The following NALCN variants were observed in gnomAD, a reference collection of about 807,000 sequenced individuals.
NALCN encodes the protein sodium leak channel, non-selective, also known as sodium leak channel NALCN.
Under a neutral mutation model 225.3 loss-of-function variants are expected in NALCN, and 111 were observed. That is an observed-to-expected ratio of 0.49 (90% CI 0.42 to 0.58). NALCN has a LOEUF of 0.58. NALCN is among the 20% of genes least tolerant of loss of function. NALCN has a pLI of 0.00. For missense variants in NALCN, 1,378 were observed against 2,202.4 expected (o/e 0.63, Z 7.49); for synonymous variants, 764 against 769.0 (o/e 0.99, Z 0.11).
rs1224323113 is a variant in NALCN, at chr13:101,112,829, C to T, written c.2193-1603G>A. On this transcript the variant is annotated intron_variant, in intron 18 of 43. Coordinates refer to ENST00000251127, the MANE Select transcript of NALCN (RefSeq NM_052867.4). ...GAGAAAAAGATTTGTATGTGCTTAG[C>T]GCACTTAAAATAGCAGCTCTTATGA... is the stretch of plus-strand genomic sequence containing the variant. Among the ~76,000 whole-genome samples, 7 of 152,194 alleles carry T rather than the reference C, an allele frequency of 4.6e-5. No individual in the cohort carries two copies. In the East Asian group the frequency reaches 9.6e-4, roughly 21 times the overall value.
chr13:101,377,493 C>T (rs959794891), intron 4 of NALCN, among the ~76,000 whole-genome samples: 1 of 151,966 alleles, frequency 6.6e-6, no homozygotes, highest in African/African-American at 2.4e-5. Context: ...GTTTGTCAAT[C>T]ACATAATAGT....
chr13:101,220,180 T>C (rs1032623503), intron 13 of NALCN, among the ~76,000 whole-genome samples: 1 of 152,222 alleles, frequency 6.6e-6, no homozygotes, highest in African/African-American at 2.4e-5. Context: ...TTTTAAAGTC[T>C]GTATTTCACT....
intron 6 of NALCN, among the ~76,000 whole-genome samples, chr13:101,370,092 G>T (rs2139397012): frequency 6.6e-6 from 1 of 152,096 alleles, no homozygotes; most frequent in East Asian, 1.9e-4. Flanking sequence ...TCAATAAATA[G>T]TTACTAATTA....
chr13:101,147,347 T>C (rs1256441589), intron 15 of NALCN, among the ~76,000 whole-genome samples: 2 of 143,032 alleles, frequency 1.4e-5, no homozygotes, highest in Non-Finnish European at 3.0e-5. Flanking sequence ...TTTCTTCCTC[T>C]CTCTCTCTTT....
At chr13:101,210,287 T>C (rs1049923628) in intron 13 of NALCN, among the ~76,000 whole-genome samples, 13 of 152,116 alleles carry the variant, frequency 8.5e-5, no homozygotes, top group African/African-American at 2.9e-4. Flanking sequence ...ATTTCAACAT[T>C]GATTCCTAGA....
intron 15 of NALCN, among the ~76,000 whole-genome samples, chr13:101,168,811 A>G (rs1226108764): frequency 6.6e-6 from 1 of 152,128 alleles, no homozygotes. Context: ...TCCAGTTAAC[A>G]ATTTTCTCTC....
At chr13:101,294,840 T>C (rs1371668964) in intron 7 of NALCN, among the ~76,000 whole-genome samples, 1 of 152,186 alleles carries the variant, frequency 6.6e-6, no homozygotes, top group East Asian at 1.9e-4. Flanking sequence ...TAACAGAGCC[T>C]TAAAACAGAA....
chr13:101,301,644 C>G (rs1004043949), intron 7 of NALCN, among the ~76,000 whole-genome samples: 2 of 151,412 alleles, frequency 1.3e-5, no homozygotes, highest in Middle Eastern at 3.4e-3. Flanking sequence ...TTGCTTGAAC[C>G]TGGGAGGCAG....
In NALCN at chr13:101,095,556, T is replaced by A; in HGVS notation, c.3269+18A>T. On this transcript the variant is annotated intron_variant, in intron 28 of 43. Coordinates refer to ENST00000251127, the MANE Select transcript of NALCN (RefSeq NM_052867.4). ...CAAACACACCATTCTTCAGAATATT[T>A]TTTTATGATATACTTACCAAACACG... is the stretch of plus-strand genomic sequence containing the variant. The A allele has an allele frequency of 1.9e-6, 3 of 1,585,734 alleles. No individual in the cohort carries two copies. The highest frequency in any genetic ancestry group is 2.6e-6 in the Non-Finnish European group (3 of 1,158,760).
intron 7 of NALCN, among the ~76,000 whole-genome samples, chr13:101,332,249 T>C (rs1373590636): frequency 6.6e-6 from 1 of 151,862 alleles, no homozygotes; most frequent in Non-Finnish European, 1.5e-5. Flanking sequence ...ATGAGTCTCA[T>C]ATGCAGAGAA....
intron 18 of NALCN, among the ~76,000 whole-genome samples, chr13:101,121,270 A>G (rs966759902): frequency 1.3e-5 from 2 of 152,088 alleles, no homozygotes; most frequent in Non-Finnish European, 2.9e-5. Flanking sequence ...AATTGAAATT[A>G]ATTGTCTGTT....
intron 6 of NALCN, among the ~76,000 whole-genome samples, chr13:101,366,502 C>A (rs2046379759): frequency 6.6e-6 from 1 of 152,106 alleles, no homozygotes; most frequent in Non-Finnish European, 1.5e-5. Flanking sequence ...TTAACAATTT[C>A]TCTTAATCGT....
chr13:101,345,772 T>TATATATATATATATATATATATATATA (rs1566599764), intron 6 of NALCN, among the ~76,000 whole-genome samples: 5 of 72,878 alleles, frequency 6.9e-5, no homozygotes, highest in African/African-American at 1.2e-4. Context: ...ATATATATAT[T>TATATATATATATATATATATATATATA]TAGAGAGGGA....
chr13:101,340,905 GATA>G (rs1350304699), intron 7 of NALCN, among the ~76,000 whole-genome samples: 2 of 152,102 alleles, frequency 1.3e-5, no homozygotes, highest in Non-Finnish European at 2.9e-5. Flanking sequence ...CGTGGTCATA[GATA>G]ATATTATTTG....
intron 18 of NALCN, among the ~76,000 whole-genome samples, chr13:101,119,094 A>T (rs1368356606): frequency 6.6e-6 from 1 of 152,198 alleles, no homozygotes; most frequent in Non-Finnish European, 1.5e-5. Flanking sequence ...GACACTACAG[A>T]GATATTTCTC....
intron 7 of NALCN, among the ~76,000 whole-genome samples, chr13:101,310,025 T>C (rs925895511): frequency 3.9e-5 from 6 of 152,166 alleles, no homozygotes; most frequent in Admixed American, 2.0e-4. Flanking sequence ...AATCTCTTAG[T>C]AAATCCCATA....
At chr13:101,295,841 C>G (rs1213610558) in intron 7 of NALCN, among the ~76,000 whole-genome samples, 1 of 152,238 alleles carries the variant, frequency 6.6e-6, no homozygotes, top group Non-Finnish European at 1.5e-5. Context: ...CTACTCCTGG[C>G]TTTGCCAAAC....
intron 10 of NALCN, among the ~76,000 whole-genome samples, chr13:101,266,247 G>T (rs2042592180): frequency 6.6e-6 from 1 of 152,132 alleles, no homozygotes; most frequent in Admixed American, 6.6e-5. Flanking sequence ...GATGCAGTCA[G>T]TTGCTTACAG....
chr13:101,147,983 G>C (rs935650344), intron 15 of NALCN, among the ~76,000 whole-genome samples: 1 of 152,080 alleles, frequency 6.6e-6, no homozygotes, highest in Non-Finnish European at 1.5e-5. Flanking sequence ...CCTCACAGAA[G>C]CTTTCTCTGA....
Sources: gnomAD v4.1 joint callset for allele counts (sites outside exome capture counted in the v4.1 genomes callset) on GRCh38, gnomAD v4.1.1 for gene constraint, MANE v1.5 for transcripts, NCBI Gene and HGNC (gene_info 2026-07-23, HGNC 2026-07-21) for gene names.